GRIN1: variants seen among roughly 807,000 people sequenced by gnomAD.
The protein encoded by GRIN1 is glutamate ionotropic receptor NMDA type subunit 1.
In GRIN1, 38 loss-of-function variants were observed where a neutral mutation model predicts 103.0. The observed-to-expected ratio is 0.37, with a 90% CI of 0.28 to 0.48. GRIN1 has a LOEUF of 0.48. Ranked by LOEUF, GRIN1 falls within the 20% of genes least tolerant of loss-of-function variation. The pLI, the probability that GRIN1 is intolerant of heterozygous loss-of-function variation, is 0.98. For missense variants in GRIN1, 577 were observed against 1,288.9 expected (o/e 0.45, Z 8.46); for synonymous variants, 544 against 532.7 (o/e 1.02, Z -0.29).
At chr9:137,144,916 C>A (rs12341768) in intron 2 of GRIN1, among the ~76,000 whole-genome samples, 9 of 4,998 alleles carry the variant, frequency 1.8e-3, no homozygotes, top group East Asian at 0.013. Context: ...GTGTGGGGAC[C>A]GGGGTGAGAG....
At chr9:137,167,252 G>T (rs552014628) in intron 19 of GRIN1, among the ~76,000 whole-genome samples, 159 bp from the exon 20 acceptor site, 1 of 152,256 alleles carries the variant, frequency 6.6e-6, no homozygotes, top group East Asian at 1.9e-4. Context: ...AGGCGTGGGT[G>T]GGGGGCTCCT....
At chr9:137,159,781 G>C (rs929464518) in intron 8 of GRIN1, among the ~76,000 whole-genome samples, 1 of 152,176 alleles carries the variant, frequency 6.6e-6, no homozygotes, top group African/African-American at 2.4e-5. Flanking sequence ...GATTCCCCTG[G>C]GGATAAAAGA....
At chr9:137,161,456 G>A (rs1211730210) in intron 10 of GRIN1, 40 bp downstream of exon 10, 1 of 1,590,766 alleles carries the variant, frequency 6.3e-7, no homozygotes, top group Admixed American at 1.8e-5. Flanking sequence ...CGTGAGAGGG[G>A]CCTGCAGGCG....
chr9:137,164,113 G>A (rs1278770203), intron 18 of GRIN1: 9 of 644,832 alleles, frequency 1.4e-5, no homozygotes, highest in East Asian at 8.5e-5. Flanking sequence ...CTGCAAAGCC[G>A]GGGCCGAGGG....
chr9:137,162,113 TGGC>T, intron 11 of GRIN1, 25 bp downstream of exon 11: 1 of 301,272 alleles, frequency 3.3e-6, no homozygotes, highest in Non-Finnish European at 6.2e-6. Flanking sequence ...GGTGGCGGGG[TGGC>T]GGCGGGGGGA....
At chr9:137,151,287 C>G (rs1373629242) in intron 4 of GRIN1, among the ~76,000 whole-genome samples, 1 of 149,190 alleles carries the variant, frequency 6.7e-6, no homozygotes, top group East Asian at 2.0e-4. Context: ...AAAAAAGACC[C>G]GCCCAGGAAA....
At position 137,168,656 on chromosome 9, in the gene GRIN1, G is replaced by T. The variant is rs969188497; in HGVS notation, c.*1129G>T. On this transcript the variant is annotated 3_prime_UTR_variant, in exon 20 of 20. Transcript: ENST00000371561. ...CGTGCCTTCCCCGTGCGGCCCGTGC[G>T]CAGCCGCGCTCTGCCCCTCCGTCCC... The T allele has an allele frequency of 2.6e-6, 1 of 386,876 alleles. No individual in the cohort carries two copies. Among genetic ancestry groups the T allele is most frequent in the Non-Finnish European group, 4.3e-6 (1 of 230,308 alleles). The allele number at this position is 386,876 out of a possible 1,614,324, so 24.0% of individuals were successfully genotyped here.
intron 4 of GRIN1, among the ~76,000 whole-genome samples, chr9:137,155,262 T>TAGC: frequency 6.6e-6 from 1 of 152,280 alleles, no homozygotes; most frequent in Middle Eastern, 3.4e-3. Context: ...GGCACTTTGA[T>TAGC]AGCGGGCATG....
intron 2 of GRIN1, among the ~76,000 whole-genome samples, chr9:137,142,716 G>A (rs1168975178): frequency 6.6e-6 from 1 of 152,230 alleles, no homozygotes; most frequent in Non-Finnish European, 1.5e-5. Flanking sequence ...TGCTCCAGGA[G>A]GAAAGGGGTG....
Position 137,163,863 on chromosome 9 carries a change from C to T in GRIN1, c.2548C>T (p.Leu850=). 6.2e-7 allele frequency: 1 copy of T among 1,612,932 alleles called. No individual in the cohort carries two copies. The highest frequency in any genetic ancestry group is 8.5e-7 in the Non-Finnish European group (1 of 1,179,956). ...GGATGCTCGCCGGAAGCAGATGCAG[C>T]TGGCCTTTGCCGCCGTTAACGTGTG... ...HKDARRKQMQ[L]AFAAVNVWRK... The change falls in exon 18 of 20, where the codon CTG becomes TTG. Residue 850 remains leucine (L), a synonymous_variant. Transcript: ENST00000371561.
At chr9:137,148,404 C>T (rs1206800714) in intron 3 of GRIN1, among the ~76,000 whole-genome samples, 2 of 152,210 alleles carry the variant, frequency 1.3e-5, no homozygotes, top group African/African-American at 2.4e-5. Flanking sequence ...CTGAGGCCCA[C>T]CCGCCGTGAC....
At chr9:137,164,968 C>A in intron 18 of GRIN1, 1 of 558,232 alleles carries the variant, frequency 1.8e-6, no homozygotes, top group Admixed American at 2.9e-5. Context: ...GCCCCCAAGC[C>A]CAGCCCCAGC....
chr9:137,163,979 C>A, intron 18 of GRIN1, 75 bp downstream of exon 18: 1 of 1,532,278 alleles, frequency 6.5e-7, no homozygotes, highest in Non-Finnish European at 9.0e-7. Flanking sequence ...CCCCGAAGGC[C>A]GTGGCACTGG....
At chr9:137,153,531 A>AC (rs1833032638) in intron 4 of GRIN1, among the ~76,000 whole-genome samples, 1 of 149,668 alleles carries the variant, frequency 6.7e-6, no homozygotes, top group African/African-American at 2.5e-5. Flanking sequence ...GCCATATACC[A>AC]CATGTGTACA....
Position 137,139,481 on chromosome 9 carries a change from G to C in GRIN1, c.-6G>C. Reference sequence around the variant, plus strand: ...CCGCGCAGAGCCAGGCCCGCGGCCCGAGCCCATGAGCACCATGCGCCTGCT... The same window carrying C: ...CCGCGCAGAGCCAGGCCCGCGGCCCCAGCCCATGAGCACCATGCGCCTGCT... On this transcript the variant is annotated 5_prime_UTR_variant, in exon 1 of 20. Coordinates refer to ENST00000371561, the MANE Select transcript of GRIN1 (RefSeq NM_007327.4). This position sits in a 1 kb window ranked among gnomAD's most constrained non-coding sequence, Gnocchi z 7.7. The C allele has an allele frequency of 1.9e-6, 3 of 1,570,620 alleles. No homozygotes were observed. Among genetic ancestry groups the C allele is most frequent in the South Asian group, 1.1e-5 (1 of 88,554 alleles).
intron 2 of GRIN1, among the ~76,000 whole-genome samples, chr9:137,145,374 G>A (rs557371051): frequency 7.5e-6 from 1 of 134,220 alleles, no homozygotes; most frequent in East Asian, 2.3e-4. Flanking sequence ...GTAGGGACAG[G>A]GGTGGGAGAC....
At chr9:137,166,258 C>CG (rs1190311783) in intron 19 of GRIN1, among the ~76,000 whole-genome samples, 8 of 152,218 alleles carry the variant, frequency 5.3e-5, no homozygotes, top group Non-Finnish European at 1.0e-4. Context: ...ACCTCCTGCT[C>CG]GGGGCAGCTT....
At chr9:137,163,474 A>C in intron 16 of GRIN1, 85 bp from the exon 17 acceptor site, 6 of 1,361,158 alleles carry the variant, frequency 4.4e-6, no homozygotes, top group Non-Finnish European at 6.3e-6. Flanking sequence ...CCTACCCCGC[A>C]GGCCCCGCCC....
At chr9:137,163,495 C>A in intron 16 of GRIN1, 64 bp from the exon 17 acceptor site, 1 of 1,356,142 alleles carries the variant, frequency 7.4e-7, no homozygotes, top group South Asian at 1.2e-5. Flanking sequence ...CGGCCCCGCC[C>A]CCAGCTTGCT....
Sources: gnomAD v4.1 joint callset for allele counts (sites outside exome capture counted in the v4.1 genomes callset) on GRCh38, gnomAD v4.1.1 for gene constraint, Gnocchi (gnomAD v3.1) non-coding constraint, MANE v1.5 for transcripts, NCBI Gene and HGNC (gene_info 2026-07-23, HGNC 2026-07-21) for gene names.